AUTS2: variants seen among roughly 807,000 people sequenced by gnomAD.
The protein encoded by AUTS2 is autism susceptibility gene 2 protein.
AUTS2 carries 17 observed loss-of-function variants against 112.4 expected under a neutral mutation model. That is an observed-to-expected ratio of 0.15 (90% CI 0.10 to 0.23). The LOEUF (loss-of-function observed/expected upper bound fraction) is 0.23, where lower values mean the gene tolerates loss of function less well. AUTS2 is among the 10% of genes least tolerant of loss of function. AUTS2 has a pLI of 1.00. For missense variants in AUTS2, 1,510 were observed against 1,701.6 expected (o/e 0.89, Z 1.98); for synonymous variants, 751 against 702.7 (o/e 1.07, Z -1.09).
Position 70,669,521 on chromosome 7 carries a change from A to G in AUTS2, c.691-29048A>G, listed in dbSNP as rs139503393. 2.0e-5 allele frequency among the ~76,000 whole-genome samples: 3 copies of G among 152,264 alleles called. No individual in the cohort carries two copies. In the East Asian group the frequency reaches 5.8e-4, roughly 29 times the overall value. On this transcript the variant is annotated intron_variant, in intron 5 of 18. Coordinates refer to ENST00000342771, the MANE Select transcript of AUTS2 (RefSeq NM_015570.4). ...AGTGCATTTAGTCCAGCACCCTCGA[A>G]TTATAGGTGAGGGAACTGAGGCTCA...
intron 4 of AUTS2, among the ~76,000 whole-genome samples, chr7:70,278,214 A>C (rs887940926): frequency 6.6e-6 from 1 of 152,164 alleles, no homozygotes; most frequent in East Asian, 1.9e-4. Context: ...CAAGCACAGA[A>C]TAATAACCTT....
chr7:70,263,725 A>C (rs1204407865), intron 4 of AUTS2, among the ~76,000 whole-genome samples: 1 of 152,234 alleles, frequency 6.6e-6, no homozygotes, highest in East Asian at 1.9e-4. Flanking sequence ...AAATCCCCCA[A>C]GGTTAAAAAT....
At chr7:70,002,076 C>A (rs1293292041) in intron 2 of AUTS2, among the ~76,000 whole-genome samples, 2 of 152,066 alleles carry the variant, frequency 1.3e-5, no homozygotes, top group Non-Finnish European at 2.9e-5. Context: ...AAATTCTGAA[C>A]CTATAATTTG....
intron 2 of AUTS2, among the ~76,000 whole-genome samples, chr7:69,974,714 C>G (rs1584513697): frequency 6.6e-6 from 1 of 152,138 alleles, no homozygotes; most frequent in Non-Finnish European, 1.5e-5. Context: ...AGGGCATCTT[C>G]TTTAATAAGT....
chr7:70,163,344 T>TGGGGGGGGGGGGG (rs869280939), intron 4 of AUTS2, among the ~76,000 whole-genome samples: 1 of 2,796 alleles, frequency 3.6e-4, no homozygotes, highest in African/African-American at 7.1e-4. Context: ...GTTGTGGTGG[T>TGGGGGGGGGGGGG]GGGGGGGGGG....
At chr7:69,940,206 C>T (rs539274447) in intron 2 of AUTS2, among the ~76,000 whole-genome samples, 1 of 152,268 alleles carries the variant, frequency 6.6e-6, no homozygotes, top group Non-Finnish European at 1.5e-5. Context: ...AGCCTGCGTT[C>T]CTAACTTCTG....
At chr7:70,769,213 T>TC (rs1790157583) in intron 10 of AUTS2, among the ~76,000 whole-genome samples, 1 of 152,114 alleles carries the variant, frequency 6.6e-6, no homozygotes, top group African/African-American at 2.4e-5. Context: ...TGATGCCTCC[T>TC]CCCCCTCCCT....
intron 2 of AUTS2, among the ~76,000 whole-genome samples, chr7:70,019,315 T>C (rs1356963816): frequency 3.9e-5 from 6 of 152,142 alleles, no homozygotes; most frequent in Non-Finnish European, 4.4e-5. Context: ...TAATGGGTAC[T>C]AGGCTTAATA....
intron 1 of AUTS2, among the ~76,000 whole-genome samples, chr7:69,765,902 A>T (rs988243921): frequency 6.6e-6 from 1 of 152,196 alleles, no homozygotes; most frequent in Non-Finnish European, 1.5e-5. Flanking sequence ...AGGTGAGATC[A>T]TGCCACTGCA....
At chr7:69,759,526 G>C (rs757796880) in intron 1 of AUTS2, among the ~76,000 whole-genome samples, 16 of 151,816 alleles carry the variant, frequency 1.1e-4, no homozygotes, top group Non-Finnish European at 1.8e-4. Context: ...TTCGGATTAG[G>C]GTTGTGCAAC....
At chr7:69,696,609 GTGGGGAGAA>G (rs1170331357) in intron 1 of AUTS2, among the ~76,000 whole-genome samples, 5 of 152,200 alleles carry the variant, frequency 3.3e-5, no homozygotes, top group African/African-American at 4.8e-5. Context: ...CATGCACAGA[GTGGGGAGAA>G]TGAGGAGATC....
chr7:70,626,737 C>A (rs1028537111), intron 5 of AUTS2, among the ~76,000 whole-genome samples: 1 of 152,152 alleles, frequency 6.6e-6, no homozygotes, highest in African/African-American at 2.4e-5. Context: ...CAGTGGTTAG[C>A]CCCCACTTAC....
chr7:69,680,914 C>T (rs1796763011), intron 1 of AUTS2, among the ~76,000 whole-genome samples: 1 of 152,234 alleles, frequency 6.6e-6, no homozygotes, highest in Admixed American at 6.5e-5. Context: ...AAGTAATCCG[C>T]CAGCCTCAGC....
chr7:70,452,637 A>T (rs982456409), intron 5 of AUTS2, among the ~76,000 whole-genome samples: 26 of 152,128 alleles, frequency 1.7e-4, no homozygotes. Flanking sequence ...CAGGCCTTTT[A>T]GGAAATGGGA....
At chr7:69,692,113 C>CAGTGG (rs1488838705) in intron 1 of AUTS2, among the ~76,000 whole-genome samples, 1 of 152,168 alleles carries the variant, frequency 6.6e-6, no homozygotes, top group African/African-American at 2.4e-5. Context: ...ATTGTGCTGC[C>CAGTGG]AGTGGGCGTT....
At chr7:70,779,477 G>A (rs567111779) in intron 14 of AUTS2, among the ~76,000 whole-genome samples, 2 of 152,256 alleles carry the variant, frequency 1.3e-5, no homozygotes, top group Non-Finnish European at 2.9e-5. Context: ...CTTAATGGGT[G>A]GTGTCATTTC....
intron 5 of AUTS2, among the ~76,000 whole-genome samples, chr7:70,626,233 C>T (rs1348243292): frequency 7.8e-6 from 1 of 127,452 alleles, no homozygotes; most frequent in Non-Finnish European, 1.7e-5. Context: ...TTTTAAAGAA[C>T]TGATAGATGT....
intron 4 of AUTS2, among the ~76,000 whole-genome samples, chr7:70,414,021 A>G (rs576150025): frequency 2.6e-5 from 4 of 152,306 alleles, no homozygotes; most frequent in South Asian, 4.1e-4. Context: ...GAATGAAAAG[A>G]ACAAGGAGAC....
intron 2 of AUTS2, among the ~76,000 whole-genome samples, chr7:70,117,924 T>C (rs1484461016): frequency 6.6e-6 from 1 of 151,976 alleles, no homozygotes; most frequent in African/African-American, 2.4e-5. Flanking sequence ...AATTTTTGCA[T>C]TTTTAGTAGA....
Sources: gnomAD v4.1 joint callset for allele counts (sites outside exome capture counted in the v4.1 genomes callset) on GRCh38, gnomAD v4.1.1 for gene constraint, MANE v1.5 for transcripts, NCBI Gene and HGNC (gene_info 2026-07-23, HGNC 2026-07-21) for gene names.